SDK2: variants seen among roughly 807,000 people sequenced by gnomAD.
SDK2 encodes the protein sidekick cell adhesion molecule 2.
SDK2 carries 105 observed loss-of-function variants against 253.9 expected under a neutral mutation model. The ratio of observed to expected loss-of-function variants is 0.41; its 90% CI spans 0.35 to 0.49. SDK2 has a LOEUF of 0.49. Among genes scored for constraint, SDK2 ranks in the 20% least tolerant of loss-of-function variants. The pLI is 0.06. For missense variants in SDK2, 2,608 were observed against 3,003.0 expected, an observed-to-expected ratio of 0.87 and a Z score of 3.07; for synonymous variants, 1,249 against 1,234.9, an observed-to-expected ratio of 1.01 and a Z score of -0.24.
chr17:73,405,864 C>T lies in SDK2; in HGVS notation c.2485-3723G>A, dbSNP rs1342150644. Among the ~76,000 whole-genome samples, 4 of 151,424 alleles carry T rather than the reference C, an allele frequency of 2.6e-5. No homozygotes were observed. In the East Asian group the frequency reaches 5.9e-4, roughly 22 times the overall value. ...CCTCCCGAGTTGCTGGGACTACAGG[C>T]GCCTGCCACCACGCCCGGCTAATTT... On this transcript the variant is annotated intron_variant, in intron 18 of 44. Transcript: ENST00000392650.
chr17:73,595,268 A>G (rs796742343), intron 1 of SDK2, among the ~76,000 whole-genome samples: 10 of 152,098 alleles, frequency 6.6e-5, no homozygotes, highest in African/African-American at 2.4e-4. Context: ...GGCCTGGGGG[A>G]GAGCGTGGCC....
chr17:73,510,901 G>A (rs2063975053), intron 1 of SDK2, among the ~76,000 whole-genome samples: 1 of 152,206 alleles, frequency 6.6e-6, no homozygotes, highest in African/African-American at 2.4e-5. Flanking sequence ...TTGAGAAGAT[G>A]CTTCTTTCTG....
chr17:73,495,868 A>G (rs886082636), intron 2 of SDK2, among the ~76,000 whole-genome samples: 1 of 152,126 alleles, frequency 6.6e-6, no homozygotes, highest in Non-Finnish European at 1.5e-5. Flanking sequence ...GCCTGAGTAC[A>G]CTGGCTCCAT....
At chr17:73,545,413 G>A (rs2044946299) in intron 1 of SDK2, among the ~76,000 whole-genome samples, 1 of 151,790 alleles carries the variant, frequency 6.6e-6, no homozygotes, top group Non-Finnish European at 1.5e-5. Context: ...ATAAATGAAT[G>A]CACACACACA....
chr17:73,384,441 T>C (rs2062856246), intron 32 of SDK2, among the ~76,000 whole-genome samples: 1 of 152,190 alleles, frequency 6.6e-6, no homozygotes, highest in South Asian at 2.1e-4. Context: ...TAACACTTCC[T>C]GGTGTTTCCT....
In SDK2 at chr17:73,581,667, C is replaced by T. The variant is rs117772599; in HGVS notation, c.64+62358G>A. Among the ~76,000 whole-genome samples, 371 of 152,354 alleles carry T rather than the reference C, an allele frequency of 2.4e-3. 7 individuals are homozygous for T. The South Asian group carries it at 0.035, about 14-fold the overall frequency. On this transcript the variant is annotated intron_variant, in intron 1 of 44. Coordinates refer to ENST00000392650, the MANE Select transcript of SDK2 (RefSeq NM_001144952.2). ...TGCCCATGGCAGGAGGCAACACTCTCGGAATGCCAGCCTTGCCCAGGGCTT... is the reference window on the plus strand; with the variant it reads ...TGCCCATGGCAGGAGGCAACACTCTTGGAATGCCAGCCTTGCCCAGGGCTT...
chr17:73,486,483 G>T (rs1051375190), intron 2 of SDK2, among the ~76,000 whole-genome samples: 1 of 152,042 alleles, frequency 6.6e-6, no homozygotes, highest in Non-Finnish European at 1.5e-5. Flanking sequence ...GGAGGTATGT[G>T]CTTGTAGTCC....
chr17:73,542,886 C>G (rs147414706), intron 1 of SDK2, among the ~76,000 whole-genome samples: 2 of 152,216 alleles, frequency 1.3e-5, no homozygotes, highest in Non-Finnish European at 2.9e-5. Context: ...TGCAGTCCCA[C>G]AAGCACCCAG....
chr17:73,389,180 T>C (rs964351534), intron 29 of SDK2, among the ~76,000 whole-genome samples: 28 of 130,690 alleles, frequency 2.1e-4, no homozygotes, highest in African/African-American at 7.2e-4. Flanking sequence ...CTGATATTCC[T>C]TTCTTTTTTT....
In SDK2 at chr17:73,588,204, CCCCT is replaced by C. The variant is rs1427228999; in HGVS notation, c.64+55817_64+55820del. ...CCTGACCAACATGGAGAGACCCCCC[CCCCT>C]CCCCCGCCATCTCTACTAAAAATAC... On this transcript the variant is annotated intron_variant, in intron 1 of 44. Coordinates refer to ENST00000392650, the MANE Select transcript of SDK2 (RefSeq NM_001144952.2). Among the ~76,000 whole-genome samples the C allele has an allele frequency of 1.1e-3, 168 of 148,518 alleles. 1 individual carries two copies. Among genetic ancestry groups the C allele is most frequent in the East Asian group, 3.7e-3 (19 of 5,092 alleles).
At chr17:73,416,720 G>C (rs995571078) in intron 16 of SDK2, among the ~76,000 whole-genome samples, 1 of 151,990 alleles carries the variant, frequency 6.6e-6, no homozygotes, top group Non-Finnish European at 1.5e-5. Context: ...CTCCCAAGTA[G>C]CTGGGACTAC....
Position 73,395,511 on chromosome 17 carries a change from C to T in SDK2, c.3355-119G>A. ...TCAGGGCTATCCATCCCACTGTCAC[C>T]CGGTCAGTGTCCACATGAGGCTCTC... On this transcript the variant is annotated intron_variant, in intron 24 of 44. Coordinates refer to ENST00000392650, the MANE Select transcript of SDK2 (RefSeq NM_001144952.2). This position sits in a 1 kb window ranked among gnomAD's most constrained non-coding sequence, Gnocchi z 4.3. The T allele has an allele frequency of 5.6e-6, 4 of 719,244 alleles. No homozygotes were observed. The South Asian group carries it at 7.1e-5, about 13-fold the overall frequency. The allele number at this position is 719,244 out of a possible 1,614,324, so 44.6% of individuals were successfully genotyped here.
intron 14 of SDK2, 78 bp from the exon 15 acceptor site, chr17:73,422,512 G>T: frequency 6.6e-7 from 1 of 1,516,158 alleles, no homozygotes; most frequent in African/African-American, 1.4e-5. Context: ...ACTCCCAGCA[G>T]GGTCCAGCTT....
chr17:73,385,239 G>A (rs2062862636), intron 32 of SDK2, among the ~76,000 whole-genome samples: 1 of 152,192 alleles, frequency 6.6e-6, no homozygotes, highest in African/African-American at 2.4e-5. Context: ...GGGCTCCGCG[G>A]GGCAGGACCC....
intron 28 of SDK2, among the ~76,000 whole-genome samples, chr17:73,390,862 TG>T (rs1457835188): frequency 6.6e-6 from 1 of 152,190 alleles, no homozygotes; most frequent in Non-Finnish European, 1.5e-5. Flanking sequence ...CTTGGGGATG[TG>T]GCATTGCTCT....
chr17:73,339,010 G>C, intron 44 of SDK2, 70 bp from the exon 45 acceptor site: 1 of 1,343,986 alleles, frequency 7.4e-7, no homozygotes, highest in Non-Finnish European at 1.1e-6. Context: ...GGGGCCGGAA[G>C]GCACAGGGCA....
chr17:73,568,039 A>G (rs1176427996), intron 1 of SDK2, among the ~76,000 whole-genome samples: 2 of 152,222 alleles, frequency 1.3e-5, no homozygotes, highest in African/African-American at 4.8e-5. Flanking sequence ...CCAGGAGTGG[A>G]ATGATATGGT....
At chr17:73,499,309 C>T (rs1380594856) in intron 2 of SDK2, among the ~76,000 whole-genome samples, 1 of 152,230 alleles carries the variant, frequency 6.6e-6, no homozygotes, top group Non-Finnish European at 1.5e-5. Context: ...GGCTTCTCTG[C>T]CTCAGATATA....
intron 2 of SDK2, among the ~76,000 whole-genome samples, chr17:73,482,494 G>T (rs925343724): frequency 6.6e-6 from 1 of 152,238 alleles, no homozygotes; most frequent in East Asian, 1.9e-4. Flanking sequence ...AGAAAAGCCC[G>T]TGAGGCTCCG....
Sources: allele counts gnomAD v4.1 joint callset (sites outside exome capture counted in the v4.1 genomes callset), GRCh38; gene constraint gnomAD v4.1.1; non-coding constraint Gnocchi (gnomAD v3.1); transcripts MANE v1.5; gene names NCBI Gene and HGNC (gene_info 2026-07-23, HGNC 2026-07-21).